Variants in GDAP1 observed in about 807,000 individuals in gnomAD.
GDAP1 encodes ganglioside-induced differentiation-associated protein 1.
Under a neutral mutation model 40.1 loss-of-function variants are expected in GDAP1, and 34 were observed. The ratio of observed to expected loss-of-function variants is 0.85; its 90% confidence interval spans 0.64 to 1.13. The LOEUF is 1.13. GDAP1 is among the 50% of genes most tolerant of loss of function. GDAP1 has a pLI of 0.00. For synonymous variants in GDAP1, 170 were observed against 157.4 expected, an observed-to-expected ratio of 1.08 and a Z score of -0.60; for missense variants, 374 against 433.7, an observed-to-expected ratio of 0.86 and a Z score of 1.22.
At chr8:74,362,784 C>CTTTTTTTTTTTT (rs1284434868) in intron 4 of GDAP1, among the ~76,000 whole-genome samples, 155 bp from the exon 5 acceptor site, 97 of 60,436 alleles carry the variant, frequency 1.6e-3, no homozygotes, top group Admixed American at 3.5e-3. Flanking sequence ...CTCTCTCTCT[C>CTTTTTTTTTTTT]TTTTTTTTTT....
intron 2 of GDAP1, among the ~76,000 whole-genome samples, chr8:74,474,034 C>A (rs1806595332): frequency 6.6e-6 from 1 of 152,102 alleles, no homozygotes; most frequent in Non-Finnish European, 1.5e-5. Context: ...TAGCTGTATT[C>A]CTAGATATTT....
chr8:74,379,704 C>A (rs561831915), intron 2 of GDAP1, among the ~76,000 whole-genome samples: 3 of 152,108 alleles, frequency 2.0e-5, no homozygotes, highest in Admixed American at 6.6e-5. Flanking sequence ...GGATCTGGAT[C>A]GGTTCAACAT....
At chr8:74,351,207 G>A (rs1306474183) in intron 1 of GDAP1, 67 bp from the exon 2 acceptor site, 1 of 1,283,042 alleles carries the variant, frequency 7.8e-7, no homozygotes, top group Non-Finnish European at 1.1e-6. Flanking sequence ...GCTGCTTAGC[G>A]GTGTCCAGGG....
intron 2 of GDAP1, among the ~76,000 whole-genome samples, chr8:74,477,298 C>G (rs1170002023): frequency 6.6e-6 from 1 of 152,152 alleles, no homozygotes; most frequent in African/African-American, 2.4e-5. Context: ...GTTATTGTTT[C>G]AGCCATCTCA....
chr8:74,362,737 C>T (rs538535777), intron 4 of GDAP1, among the ~76,000 whole-genome samples: 32 of 141,838 alleles, frequency 2.3e-4, no homozygotes, highest in African/African-American at 8.3e-4. Flanking sequence ...GCTCCTGGGT[C>T]ATTTTCACAG....
chr8:74,431,470 CTTATTTAT>C lies in GDAP1; in HGVS notation c.166-57189_166-57182del, dbSNP rs147759233. 4.5e-4 allele frequency among the ~76,000 whole-genome samples: 68 copies of C among 149,546 alleles called. No homozygotes were observed. The South Asian group carries it at 0.013, about 28-fold the overall frequency. Reference sequence around the variant, plus strand: ...AATGTGAACATGTTCAAAATTCTTTCTTATTTATTTATTTATTTATTTATTTTTTGAGA... The same window carrying C: ...AATGTGAACATGTTCAAAATTCTTTCTTATTTATTTATTTATTTTTTGAGA... On this transcript the variant is annotated intron_variant, in intron 2 of 2. Coordinates refer to the GDAP1 transcript ENST00000523640.
chr8:74,395,596 G>A (rs10283076), intron 2 of GDAP1, among the ~76,000 whole-genome samples: 80,540 of 151,954 alleles, frequency 0.53, 22,163 homozygotes, highest in African/African-American at 0.69. Context: ...TTTCATATGA[G>A]TGACACTAGC....
At chr8:74,400,354 C>A (rs1301005402) in intron 2 of GDAP1, among the ~76,000 whole-genome samples, 2 of 149,768 alleles carry the variant, frequency 1.3e-5, no homozygotes, top group East Asian at 3.8e-4. Context: ...TCTGTTTTAT[C>A]TGAGACTAGG....
intron 2 of GDAP1, among the ~76,000 whole-genome samples, chr8:74,479,066 C>T (rs947601385): frequency 7.9e-5 from 12 of 152,196 alleles, no homozygotes; most frequent in African/African-American, 2.7e-4. Flanking sequence ...GGAAGATACT[C>T]CTCCTGATTG....
intron 2 of GDAP1, among the ~76,000 whole-genome samples, chr8:74,407,359 TC>T (rs914323370): frequency 6.7e-6 from 1 of 149,752 alleles, no homozygotes; most frequent in Non-Finnish European, 1.5e-5. Context: ...AACATTTGAG[TC>T]CGTTTACTGA....
intron 2 of GDAP1, among the ~76,000 whole-genome samples, chr8:74,418,898 G>C (rs1332182553): frequency 1.3e-5 from 2 of 152,026 alleles, no homozygotes; most frequent in East Asian, 3.8e-4. Flanking sequence ...CATCAAAGAG[G>C]ATATACAGAT....
intron 2 of GDAP1, among the ~76,000 whole-genome samples, chr8:74,450,021 C>T (rs1396680909): frequency 6.6e-6 from 1 of 150,820 alleles, no homozygotes; most frequent in Non-Finnish European, 1.5e-5. Context: ...TAAAATACTA[C>T]TTTAGCTGGA....
intron 2 of GDAP1, among the ~76,000 whole-genome samples, chr8:74,407,051 T>G (rs1212962001): frequency 6.7e-6 from 1 of 149,840 alleles, no homozygotes; most frequent in African/African-American, 2.6e-5. Context: ...TGAAAAAAAT[T>G]CTATAATCAA....
At chr8:74,360,082 A>T in intron 2 of GDAP1, 55 bp from the exon 3 acceptor site, 1 of 1,314,772 alleles carries the variant, frequency 7.6e-7, no homozygotes, top group Non-Finnish European at 1.1e-6. Flanking sequence ...TTTGCTTTTG[A>T]GTGTAACAAC....
intron 2 of GDAP1, among the ~76,000 whole-genome samples, chr8:74,427,135 G>T (rs1440354876): frequency 6.6e-6 from 1 of 152,188 alleles, no homozygotes. Context: ...CTCCTGGAAT[G>T]CTGTTGCCTT....
At chr8:74,482,655 C>T (rs931315511) in intron 2 of GDAP1, among the ~76,000 whole-genome samples, 2 of 152,248 alleles carry the variant, frequency 1.3e-5, no homozygotes, top group East Asian at 1.9e-4. Context: ...TTGGAAGCAA[C>T]GTTTCCAGGT....
intron 2 of GDAP1, among the ~76,000 whole-genome samples, chr8:74,406,870 G>A (rs1805647890): frequency 6.7e-6 from 1 of 149,652 alleles, no homozygotes; most frequent in South Asian, 2.1e-4. Flanking sequence ...AGCTAGAGGA[G>A]GGCTTCCATA....
intron 2 of GDAP1, among the ~76,000 whole-genome samples, chr8:74,352,172 C>T (rs954025119): frequency 6.6e-6 from 1 of 152,190 alleles, no homozygotes; most frequent in Non-Finnish European, 1.5e-5. Flanking sequence ...GTCTCCAAAG[C>T]CTTCATACTA....
intron 2 of GDAP1, among the ~76,000 whole-genome samples, chr8:74,394,532 C>T (rs189328244): frequency 6.2e-4 from 95 of 152,290 alleles, no homozygotes; most frequent in Non-Finnish European, 1.2e-3. Context: ...TTGGTATCCT[C>T]TCTCTAGAAT....
Sources: gnomAD v4.1 joint callset for allele counts (sites outside exome capture counted in the v4.1 genomes callset) on GRCh38, gnomAD v4.1.1 for gene constraint, MANE v1.5 for transcripts, NCBI Gene and HGNC (gene_info 2026-07-23, HGNC 2026-07-21) for gene names.